The following PCDHA5 variants were observed in gnomAD, a reference collection of about 807,000 sequenced individuals.
The protein encoded by PCDHA5 is protocadherin alpha 5.
A neutral mutation model predicts 61.6 loss-of-function variants in PCDHA5; 43 were observed. The ratio of observed to expected loss-of-function variants is 0.70; its 90% CI spans 0.55 to 0.90. The LOEUF is 0.90. Among genes scored for constraint, PCDHA5 ranks in the 40% least tolerant of loss-of-function variants. The probability of loss-of-function intolerance (pLI) is 0.00; values close to 1 mark genes in which losing one functional copy is unlikely to be tolerated. For missense variants in PCDHA5, 1,298 were observed against 1,222.7 expected (o/e 1.06, Z -0.92); for synonymous variants, 627 against 543.9 (o/e 1.15, Z -2.13).
chr5:140,882,656 C>G, intron 1 of PCDHA5: 2 of 1,614,192 alleles, frequency 1.2e-6, no homozygotes, highest in Middle Eastern at 1.6e-4. Flanking sequence ...TAACGACAAC[C>G]CGCCCATATT....
At chr5:140,944,378 A>G (rs1204116678) in intron 1 of PCDHA5, among the ~76,000 whole-genome samples, 1 of 151,884 alleles carries the variant, frequency 6.6e-6, no homozygotes, top group Admixed American at 6.6e-5. Flanking sequence ...ATAGAGATGG[A>G]GTCTCACTGT....
chr5:140,908,405 C>T (rs2073952752), intron 1 of PCDHA5, among the ~76,000 whole-genome samples: 1 of 152,150 alleles, frequency 6.6e-6, no homozygotes, highest in Non-Finnish European at 1.5e-5. Flanking sequence ...ATACCACTTC[C>T]ATTTGATGAT....
At chr5:140,828,896 C>G (rs138760871) in intron 1 of PCDHA5, 2 of 1,614,178 alleles carry the variant, frequency 1.2e-6, no homozygotes, top group Non-Finnish European at 1.7e-6. Flanking sequence ...TGCTTCTGAT[C>G]GGGATGAAGG....
At position 140,857,302 on chromosome 5, in the gene PCDHA5, G is replaced by C. The variant is rs782029015; in HGVS notation, c.2352+33175G>C. 5.0e-6 allele frequency: 8 copies of C among 1,598,652 alleles called. 1 individual carries two copies. The highest frequency in any genetic ancestry group is 3.4e-5 in the Admixed American group (2 of 59,338). On this transcript the variant is annotated intron_variant, in intron 1 of 3. Transcript: ENST00000529859. ...GCGCTCTGGACCGCGAGAGGGTGTCGGCCTATGAGCTGGTGGTGACCGCGC... is the reference window on the plus strand; with the variant it reads ...GCGCTCTGGACCGCGAGAGGGTGTCCGCCTATGAGCTGGTGGTGACCGCGC...
intron 1 of PCDHA5, chr5:140,851,237 G>C (rs782702575): frequency 3.6e-6 from 4 of 1,101,536 alleles, no homozygotes; most frequent in Non-Finnish European, 4.6e-6. Flanking sequence ...TTTATTTATT[G>C]CTAAATGATG....
chr5:140,918,651 C>A (rs1418223257), intron 1 of PCDHA5, among the ~76,000 whole-genome samples: 1 of 152,144 alleles, frequency 6.6e-6, no homozygotes, highest in African/African-American at 2.4e-5. Flanking sequence ...AAACCTAATT[C>A]TCATGTTGAT....
At chr5:140,857,864 C>T (rs782625866) in intron 1 of PCDHA5, 4 of 1,597,766 alleles carry the variant, frequency 2.5e-6, no homozygotes, top group Middle Eastern at 3.4e-4. Flanking sequence ...CAACGCGTGG[C>T]TGTCGTATGA....
chr5:140,970,657 T>C (rs1487534093), intron 1 of PCDHA5, among the ~76,000 whole-genome samples: 1 of 152,232 alleles, frequency 6.6e-6, no homozygotes, highest in Non-Finnish European at 1.5e-5. Context: ...TGAATTGTTA[T>C]CTTTCCAAAT....
At chr5:140,868,446 A>G (rs1224722166) in intron 1 of PCDHA5, 1 of 152,368 alleles carries the variant, frequency 6.6e-6, no homozygotes, top group Non-Finnish European at 1.5e-5. Flanking sequence ...TGTGGAACAT[A>G]AACACTAAAG....
At chr5:140,963,523 A>T (rs2095769740) in intron 1 of PCDHA5, among the ~76,000 whole-genome samples, 1 of 152,218 alleles carries the variant, frequency 6.6e-6, no homozygotes. Flanking sequence ...CTCATAACAG[A>T]AGTCCCATTT....
chr5:140,879,889 C>T (rs897508016), intron 1 of PCDHA5, among the ~76,000 whole-genome samples: 3 of 152,200 alleles, frequency 2.0e-5, no homozygotes, highest in Non-Finnish European at 4.4e-5. Context: ...GCCTCCTCCT[C>T]TCCATGTCTC....
chr5:140,906,296 A>G (rs1378311950), intron 1 of PCDHA5, among the ~76,000 whole-genome samples: 9 of 152,226 alleles, frequency 5.9e-5, no homozygotes, highest in Non-Finnish European at 1.5e-5. Flanking sequence ...GACAATAATA[A>G]GGTCATAATT....
chr5:140,826,207 A>T (rs1165318551), intron 1 of PCDHA5, among the ~76,000 whole-genome samples: 2 of 152,254 alleles, frequency 1.3e-5, no homozygotes, highest in Admixed American at 6.5e-5. Flanking sequence ...GTCACATTTT[A>T]AAAAATCAAG....
At chr5:140,876,760 G>A (rs2056562687) in intron 1 of PCDHA5, 4 of 1,614,234 alleles carry the variant, frequency 2.5e-6, no homozygotes, top group South Asian at 2.2e-5. Flanking sequence ...TGCGCGGGAT[G>A]GGGGCTCGCC....
At chr5:140,830,805 C>A (rs1771253279) in intron 1 of PCDHA5, 1 of 158,172 alleles carries the variant, frequency 6.3e-6, no homozygotes, top group Non-Finnish European at 1.4e-5. Flanking sequence ...ATGGGATTTT[C>A]ATTTGTTTGC....
chr5:140,982,324 C>G, intron 2 of PCDHA5, 151 bp from the exon 3 acceptor site: 2 of 1,393,878 alleles, frequency 1.4e-6, no homozygotes, highest in East Asian at 5.1e-5. Context: ...TGCAGGGTGA[C>G]TGCTCAGCAG....
Position 140,857,899 on chromosome 5 carries a change from A to G in PCDHA5, c.2352+33772A>G. On this transcript the variant is annotated intron_variant, in intron 1 of 3. Transcript: ENST00000529859. ...AATTGCAGTCGGCGGCGGTTGGTGC[A>G]CGCATCCCGTTTCGCGTGGGGCTGT... 7 of 1,597,716 alleles carry G rather than the reference A, an allele frequency of 4.4e-6. 1 individual carries two copies. The highest frequency in any genetic ancestry group is 6.0e-6 in the Non-Finnish European group (7 of 1,167,490).
intron 1 of PCDHA5, among the ~76,000 whole-genome samples, chr5:140,913,414 CA>C: frequency 6.6e-6 from 1 of 152,102 alleles, no homozygotes; most frequent in African/African-American, 2.4e-5. Context: ...TGAATTCCTG[CA>C]GTATCAGTTG....
chr5:140,967,108 G>A (rs2096097580), intron 1 of PCDHA5: 1 of 1,612,960 alleles, frequency 6.2e-7, no homozygotes, highest in South Asian at 1.1e-5. Flanking sequence ...GTGAGCAGCG[G>A]CCTCGCTGCC....
Sources: allele counts gnomAD v4.1 joint callset (sites outside exome capture counted in the v4.1 genomes callset), GRCh38; gene constraint gnomAD v4.1.1; transcripts MANE v1.5; gene names NCBI Gene and HGNC (gene_info 2026-07-23, HGNC 2026-07-21).